SHTN1: variants seen among roughly 807,000 people sequenced by gnomAD.
The protein encoded by SHTN1 is shootin 1.
Under a neutral mutation model 83.1 loss-of-function variants are expected in SHTN1, and 42 were observed. That is an observed-to-expected ratio of 0.51 (90% CI 0.39 to 0.65). The LOEUF is 0.65. Among genes scored for constraint, SHTN1 ranks in the 30% least tolerant of loss-of-function variants. SHTN1 has a pLI of 0.00. For synonymous variants in SHTN1, 224 were observed against 247.7 expected (o/e 0.90, Z 0.90); for missense variants, 622 against 737.8 (o/e 0.84, Z 1.82).
intron 2 of SHTN1, among the ~76,000 whole-genome samples, chr10:117,035,036 G>A (rs1285988806): frequency 6.6e-6 from 1 of 152,126 alleles, no homozygotes; most frequent in Non-Finnish European, 1.5e-5. Context: ...TCCTAAGCTA[G>A]AAGAACAAAA....
chr10:117,117,842 C>T (rs543811570), intron 1 of SHTN1, among the ~76,000 whole-genome samples: 10 of 152,168 alleles, frequency 6.6e-5, no homozygotes, highest in Admixed American at 3.3e-4. Flanking sequence ...TAACCATATG[C>T]GGCCAAATGA....
intron 11 of SHTN1, among the ~76,000 whole-genome samples, chr10:116,924,468 A>T (rs1344386318): frequency 6.6e-6 from 1 of 152,186 alleles, no homozygotes; most frequent in Non-Finnish European, 1.5e-5. Context: ...AGATGATGGA[A>T]AGTGTTAGCT....
intron 1 of SHTN1, among the ~76,000 whole-genome samples, chr10:117,064,684 T>A (rs1378347660): frequency 6.6e-6 from 1 of 150,628 alleles, no homozygotes; most frequent in Non-Finnish European, 1.5e-5. Flanking sequence ...TGTACTTTCA[T>A]ACCCCACTGC....
chr10:116,968,974 G>A (rs921525962), intron 2 of SHTN1, among the ~76,000 whole-genome samples: 1 of 152,162 alleles, frequency 6.6e-6, no homozygotes, highest in African/African-American at 2.4e-5. Flanking sequence ...GTAATAGCCC[G>A]ATTTAACATC....
At chr10:117,057,710 C>A (rs1264485897) in intron 1 of SHTN1, among the ~76,000 whole-genome samples, 1 of 152,084 alleles carries the variant, frequency 6.6e-6, no homozygotes, top group Non-Finnish European at 1.5e-5. Flanking sequence ...TTAAGCTGAT[C>A]CCCGGCACAG....
rs529128817 is a variant in SHTN1, at chr10:116,991,142, T to C, written c.59-11834A>G. Reference sequence around the variant, plus strand: ...CGGAGCTTGCAGTGAGCCGAGATTATGCCACTGCACTCCAGCCTGGGCGAC... The same window carrying C: ...CGGAGCTTGCAGTGAGCCGAGATTACGCCACTGCACTCCAGCCTGGGCGAC... On this transcript the variant is annotated intron_variant, in intron 1 of 16. Coordinates refer to ENST00000355371, the MANE Select transcript of SHTN1 (RefSeq NM_001127211.3). Among the ~76,000 whole-genome samples, 111 of 152,018 alleles carry C rather than the reference T, an allele frequency of 7.3e-4. 2 individuals carry two copies. The South Asian group carries it at 0.022, about 30-fold the overall frequency.
chr10:116,984,791 G>C (rs959140932), intron 1 of SHTN1, among the ~76,000 whole-genome samples: 1 of 152,098 alleles, frequency 6.6e-6, no homozygotes, highest in African/African-American at 2.4e-5. Flanking sequence ...GTTATTTCAT[G>C]TTTAGAAACT....
intron 1 of SHTN1, among the ~76,000 whole-genome samples, chr10:117,085,931 T>TC (rs1323004524): frequency 6.7e-6 from 1 of 149,486 alleles, no homozygotes; most frequent in South Asian, 2.1e-4. Context: ...TTTTTTTTTT[T>TC]TTTTTTTGAG....
chr10:117,059,815 T>C (rs1206784095), intron 1 of SHTN1, among the ~76,000 whole-genome samples: 3 of 152,194 alleles, frequency 2.0e-5, no homozygotes, highest in African/African-American at 7.2e-5. Flanking sequence ...TTTTGGAAGA[T>C]TGTACCATTG....
At chr10:116,950,445 G>A (rs1172924182) in intron 6 of SHTN1, among the ~76,000 whole-genome samples, 2 of 152,196 alleles carry the variant, frequency 1.3e-5, no homozygotes. Context: ...TAGGATTACA[G>A]GCGTGAGCCA....
intron 1 of SHTN1, among the ~76,000 whole-genome samples, chr10:116,995,089 T>C (rs900524012): frequency 6.6e-6 from 1 of 152,174 alleles, no homozygotes; most frequent in African/African-American, 2.4e-5. Flanking sequence ...TGCATTATTA[T>C]CATAATGAAC....
At chr10:116,948,834 C>T (rs1849677602) in intron 7 of SHTN1, 82 bp downstream of exon 7, 2 of 879,184 alleles carry the variant, frequency 2.3e-6, no homozygotes, top group Middle Eastern at 2.3e-4. Context: ...CATATTTAGG[C>T]ACAGGTGTAA....
chr10:117,058,620 A>G (rs1852858297), intron 1 of SHTN1, among the ~76,000 whole-genome samples: 1 of 152,224 alleles, frequency 6.6e-6, no homozygotes, highest in Non-Finnish European at 1.5e-5. Context: ...ACGATATGGC[A>G]GAATTACCAT....
intron 14 of SHTN1, among the ~76,000 whole-genome samples, chr10:116,909,721 C>T (rs1848116540): frequency 6.6e-6 from 1 of 152,104 alleles, no homozygotes; most frequent in African/African-American, 2.4e-5. Flanking sequence ...TTGAAACTCC[C>T]CCAAACCAGA....
intron 2 of SHTN1, among the ~76,000 whole-genome samples, chr10:117,022,523 C>CAATATG: frequency 6.6e-6 from 1 of 151,692 alleles, no homozygotes; most frequent in Admixed American, 6.6e-5. Context: ...TTGCAATATG[C>CAATATG]CATGAAAAAA....
At chr10:117,059,465 C>G (rs1226771696) in intron 1 of SHTN1, among the ~76,000 whole-genome samples, 1 of 152,122 alleles carries the variant, frequency 6.6e-6, no homozygotes, top group Admixed American at 6.5e-5. Context: ...AAACCGAAAA[C>G]AACATAGATG....
intron 9 of SHTN1, among the ~76,000 whole-genome samples, chr10:116,936,547 C>A (rs1047844152): frequency 1.3e-5 from 2 of 152,094 alleles, no homozygotes; most frequent in African/African-American, 2.4e-5. Context: ...TTTATGATTT[C>A]CATTCTTCTG....
chr10:116,936,891 G>C (rs999105003), intron 9 of SHTN1, among the ~76,000 whole-genome samples: 2 of 152,038 alleles, frequency 1.3e-5, no homozygotes, highest in African/African-American at 4.8e-5. Flanking sequence ...TCTTCTTGTT[G>C]CATTAATACC....
chr10:117,120,638 T>A (rs529718783), intron 1 of SHTN1, among the ~76,000 whole-genome samples: 42 of 152,050 alleles, frequency 2.8e-4, no homozygotes, highest in Non-Finnish European at 4.9e-4. Context: ...CCACAAAAAT[T>A]AAAAATAAAA....
Sources: gnomAD v4.1 joint callset for allele counts (sites outside exome capture counted in the v4.1 genomes callset) on GRCh38, gnomAD v4.1.1 for gene constraint, MANE v1.5 for transcripts, NCBI Gene and HGNC (gene_info 2026-07-23, HGNC 2026-07-21) for gene names.